ATAD2: variants seen among roughly 807,000 people sequenced by gnomAD.
ATAD2 encodes ATPase family AAA domain-containing protein 2.
Under a neutral mutation model 168.9 loss-of-function variants are expected in ATAD2, and 62 were observed. The observed-to-expected ratio is 0.37, with a 90% CI of 0.30 to 0.45. The LOEUF (loss-of-function observed/expected upper bound fraction) is 0.45. Ranked by LOEUF, ATAD2 falls within the 20% of genes least tolerant of loss-of-function variation. The pLI, the probability that ATAD2 is intolerant of heterozygous loss-of-function variation, is 1.00. For synonymous variants in ATAD2, 613 were observed against 571.6 expected (o/e 1.07, Z -1.03); for missense variants, 1,419 against 1,667.8 (o/e 0.85, Z 2.60).
chr8:123,348,077 C>G, intron 15 of ATAD2, 106 bp downstream of exon 15: 1 of 917,426 alleles, frequency 1.1e-6, no homozygotes, highest in Non-Finnish European at 1.7e-6. Context: ...TTTGCCATTA[C>G]TTTTACAGGC....
chr8:123,390,674 C>T (rs1015415601), intron 1 of ATAD2, among the ~76,000 whole-genome samples: 20 of 152,132 alleles, frequency 1.3e-4, no homozygotes, highest in Admixed American at 1.3e-3. Flanking sequence ...TAAAATAGTA[C>T]CTTCTACATA....
intron 1 of ATAD2, among the ~76,000 whole-genome samples, chr8:123,392,947 G>A (rs545076341): frequency 1.8e-4 from 28 of 152,270 alleles, no homozygotes; most frequent in Middle Eastern, 3.4e-3. Flanking sequence ...CACTTTGGGA[G>A]GCCGAGGAGG....
At chr8:123,379,035 T>G (rs1429740425) in intron 2 of ATAD2, among the ~76,000 whole-genome samples, 2 of 152,014 alleles carry the variant, frequency 1.3e-5, no homozygotes, top group East Asian at 3.9e-4. Flanking sequence ...CCGACCGAAG[T>G]GATCCTTCTG....
intron 9 of ATAD2, among the ~76,000 whole-genome samples, chr8:123,360,499 C>T (rs558769177): frequency 1.9e-4 from 29 of 152,242 alleles, no homozygotes; most frequent in South Asian, 6.2e-4. Flanking sequence ...GCACCACCAA[C>T]ATCTGGCTAA....
chr8:123,394,447 A>T (rs1478915134), intron 1 of ATAD2, among the ~76,000 whole-genome samples: 1 of 152,038 alleles, frequency 6.6e-6, no homozygotes, highest in Non-Finnish European at 1.5e-5. Context: ...TGGCCAACAT[A>T]CAGAAACCCT....
At chr8:123,337,981 C>G (rs539948823) in intron 20 of ATAD2, among the ~76,000 whole-genome samples, 160 bp from the exon 21 acceptor site, 2 of 152,338 alleles carry the variant, frequency 1.3e-5, no homozygotes, top group African/African-American at 4.8e-5. Context: ...ATCTCTAACC[C>G]TACGTCCCCT....
chr8:123,322,814 T>C, intron 27 of ATAD2, 124 bp downstream of exon 27: 1 of 972,110 alleles, frequency 1.0e-6, no homozygotes. Context: ...AATAGAAAGA[T>C]GGTCTTTAAG....
chr8:123,372,756 T>C (rs1829185484), intron 2 of ATAD2, 70 bp from the exon 3 acceptor site: 1 of 1,292,904 alleles, frequency 7.7e-7, no homozygotes. Context: ...TTAGATGGGA[T>C]TGCACTCCAT....
rs145358593 is a variant in ATAD2, at chr8:123,331,086, G to A, written c.3479-2507C>T. Among the ~76,000 whole-genome samples the A allele has an allele frequency of 3.6e-4, 55 of 152,114 alleles. No homozygotes were observed. In the East Asian group the frequency reaches 7.2e-3, roughly 20 times the overall value. On this transcript the variant is annotated intron_variant, in intron 24 of 27. Transcript: ENST00000287394. ...TACAGGAGGAGCTGGGATTACAGGC[G>A]TGCACCACCATGCCCAGCTAGTTGT... is the stretch of plus-strand genomic sequence containing the variant.
chr8:123,342,379 T>G (rs547701504), intron 19 of ATAD2: 3 of 152,140 alleles, frequency 2.0e-5, no homozygotes, highest in Non-Finnish European at 4.4e-5. Context: ...ATATGCAATC[T>G]GGGAAATGAA....
chr8:123,347,471 T>C (rs928097096), intron 15 of ATAD2, 65 bp from the exon 16 acceptor site: 2 of 1,404,126 alleles, frequency 1.4e-6, no homozygotes, highest in African/African-American at 1.4e-5. Flanking sequence ...AAAACTCTAT[T>C]AGCATGACCA....
In ATAD2 at chr8:123,344,980, T is replaced by C; in HGVS notation, c.2622A>G (p.Lys874=). 1.2e-6 allele frequency: 2 copies of C among 1,614,060 alleles called. No individual in the cohort carries two copies. The highest frequency in any genetic ancestry group is 1.7e-6 in the Non-Finnish European group (2 of 1,179,900). Residue 874 remains lysine (K), a synonymous_variant, in exon 19 of 28, where the codon AAA becomes AAG. Coordinates refer to ENST00000287394, the MANE Select transcript of ATAD2 (RefSeq NM_014109.4). ...TCTGTAATAATGTGGTAAATGTGGCTTTAAGTGTCGGTCCAACTATTTCCC... is the reference window on the plus strand; with the variant it reads ...TCTGTAATAATGTGGTAAATGTGGCCTTAAGTGTCGGTCCAACTATTTCCC... The part of the protein sequence containing the change: ...VWWEIVGPTL[K]ATFTTLLQNI...
At chr8:123,400,594 A>G, upstream of ATAD2, 1 of 563,650 alleles carries the variant, frequency 1.8e-6, no homozygotes, top group Non-Finnish European at 3.3e-6. The surrounding 1 kb of genome is among the most constrained non-coding windows in gnomAD (Gnocchi z 4.5). Context: ...CTACCTGATG[A>G]GCCAGGGCAC....
Position 123,402,832 on chromosome 8 carries a change from A to C in ATAD2, c.-2281-1657T>G, listed in dbSNP as rs1813023464. Among the ~76,000 whole-genome samples the C allele has an allele frequency of 6.6e-6, 1 of 151,792 alleles. No individual in the cohort carries two copies. The highest frequency in any genetic ancestry group is 1.5e-5 in the Non-Finnish European group (1 of 67,960). On this transcript the variant is annotated intron_variant, in intron 1 of 28. Transcript: ENST00000521903. This position sits in a 1 kb window ranked among gnomAD's most constrained non-coding sequence, Gnocchi z 4.8. ...CTCAATGCCAATAATAATAATAATA[A>C]TAATAATAATAAAAATCAACACACT... is the stretch of plus-strand genomic sequence containing the variant.
rs767357089 is a variant in ATAD2, at chr8:123,349,353, T to C, written c.1738A>G (p.Ile580Val). ...VIGATNRLDS[I>V]DPALRRPGRF... ...CCAGGCCTTCGTAAAGCAGGATCTATAGAATCTAGCCTGTTCGTAGCACCA... is the reference window on the plus strand; with the variant it reads ...CCAGGCCTTCGTAAAGCAGGATCTACAGAATCTAGCCTGTTCGTAGCACCA... The change falls in exon 14 of 28, where the codon ATA (isoleucine) becomes GTA (valine). Residue 580 changes from isoleucine (I) to valine (V), a missense_variant. Physicochemically the swap from Ile to Val is conservative, Grantham distance 29. This residue lies in a region of ATAD2 where 545 missense variants were observed against 724.9 expected (regional missense o/e 0.75). Transcript: ENST00000287394. The C allele has an allele frequency of 1.6e-5, 26 of 1,614,028 alleles. No individual in the cohort carries two copies. The highest frequency in any genetic ancestry group is 2.1e-5 in the Non-Finnish European group (25 of 1,180,020).
chr8:123,331,232 C>T (rs543679665), intron 24 of ATAD2, among the ~76,000 whole-genome samples: 1 of 150,568 alleles, frequency 6.6e-6, no homozygotes, highest in East Asian at 2.0e-4. Flanking sequence ...TGAGCCACTG[C>T]GCCTGGTATT....
In ATAD2 at chr8:123,402,007, C is replaced by T; in HGVS notation, c.-2281-832G>A. 1 of 1,433,922 alleles carries T rather than the reference C, an allele frequency of 7.0e-7. No homozygotes were observed. 88.8% of individuals were successfully genotyped at this position (1,433,922 alleles called of 1,614,324 possible). ...CCCGCAGCCTGTCTGTCCTTTGGTC[C>T]ATGATGTACTCAGGAGAGCTCAAGT... is the stretch of plus-strand genomic sequence containing the variant. On this transcript the variant is annotated intron_variant, in intron 1 of 28. Transcript: ENST00000521903. This position sits in a 1 kb window ranked among gnomAD's most constrained non-coding sequence, Gnocchi z 4.8.
At chr8:123,338,968 G>A (rs547949758) in intron 20 of ATAD2, among the ~76,000 whole-genome samples, 1 of 152,112 alleles carries the variant, frequency 6.6e-6, no homozygotes, top group African/African-American at 2.4e-5. Flanking sequence ...ACTGATGAGA[G>A]AGCAAGCATT....
intron 11 of ATAD2, 62 bp from the exon 12 acceptor site, chr8:123,357,798 A>G: frequency 1.4e-6 from 2 of 1,419,104 alleles, no homozygotes; most frequent in Admixed American, 5.1e-5. Flanking sequence ...TAAAACAAAA[A>G]TTAGAAACCA....
Sources: gnomAD v4.1 joint callset for allele counts (sites outside exome capture counted in the v4.1 genomes callset) on GRCh38, gnomAD v4.1.1 for gene constraint, gnomAD v4.1.1 regional missense constraint, Gnocchi (gnomAD v3.1) non-coding constraint, MANE v1.5 for transcripts, NCBI Gene and HGNC (gene_info 2026-07-23, HGNC 2026-07-21) for gene names.